The following NAV3 variants were observed in gnomAD, a reference collection of about 807,000 sequenced individuals.
NAV3 encodes neuron navigator 3.
Under a neutral mutation model 244.7 loss-of-function variants are expected in NAV3, and 87 were observed. That is an observed-to-expected ratio of 0.36 (90% confidence interval 0.30 to 0.42). The LOEUF is 0.42. NAV3 is among the 20% of genes least tolerant of loss of function. NAV3 has a pLI of 1.00. For missense variants in NAV3, 2,663 were observed against 2,893.3 expected, an observed-to-expected ratio of 0.92 and a Z score of 1.83; for synonymous variants, 1,126 against 1,042.2, an observed-to-expected ratio of 1.08 and a Z score of -1.55.
At chr12:77,619,083 A>T (rs1871256721) in intron 2 of NAV3, among the ~76,000 whole-genome samples, 1 of 151,594 alleles carries the variant, frequency 6.6e-6, no homozygotes, top group Non-Finnish European at 1.5e-5. Flanking sequence ...GGTTAGTACT[A>T]TATTGGACAC....
intron 24 of NAV3, among the ~76,000 whole-genome samples, chr12:78,174,398 C>T (rs565249885): frequency 3.3e-5 from 5 of 151,936 alleles, no homozygotes; most frequent in Non-Finnish European, 7.4e-5. Flanking sequence ...CCATATGCTG[C>T]GTACATGGCT....
Position 77,664,496 on chromosome 12 carries a change from C to T in NAV3, c.72+92230C>T, listed in dbSNP as rs576554881. Among the ~76,000 whole-genome samples the T allele has an allele frequency of 7.2e-5, 11 of 152,056 alleles. No individual in the cohort carries two copies. The South Asian group carries it at 1.0e-3, about 14-fold the overall frequency. The stretch of plus-strand genomic sequence containing the variant: ...GCACTTGTAATTATGTTAAAGTAGT[C>T]GATAATTTGACAGTATCATTAATAA... On this transcript the variant is annotated intron_variant, in intron 2 of 8. Transcript: ENST00000550042.
intron 9 of NAV3, among the ~76,000 whole-genome samples, chr12:78,026,154 A>G (rs1444848209): frequency 6.6e-6 from 1 of 152,130 alleles, no homozygotes; most frequent in Non-Finnish European, 1.5e-5. Flanking sequence ...ATGTGATTTA[A>G]TATCGATATT....
rs779255279 is a variant in NAV3, at chr12:78,006,670, C to A, written c.1132C>A (p.Pro378Thr). Residue 378 changes from proline (P) to threonine (T), a missense_variant, in exon 8 of 40, where the codon CCC becomes ACC. Around this residue, in one of 6 missense-constraint regions of NAV3, gnomAD observed 1,521 missense variants for 1,497.0 expected, o/e 1.02. Coordinates refer to ENST00000397909, the MANE Select transcript of NAV3 (RefSeq NM_001024383.2). ...PPVSEGVKTA[P>T]SGQKSMLEKF... ...TGTCTCAGAAGGGGTCAAAACTGCT[C>A]CCTCAGGACAGAAATCCATGCTTGA... 6 of 1,613,994 alleles carry A rather than the reference C, an allele frequency of 3.7e-6. No individual in the cohort carries two copies. In the Admixed American group the frequency reaches 1.0e-4, roughly 27 times the overall value.
intron 12 of NAV3, among the ~76,000 whole-genome samples, chr12:78,090,550 T>A (rs750346840): frequency 1.4e-4 from 22 of 152,184 alleles, no homozygotes; most frequent in Non-Finnish European, 2.8e-4. Flanking sequence ...ATTTTCTCAA[T>A]GATCTTGGTG....
At position 78,082,614 on chromosome 12, in the gene NAV3, A is replaced by T. The variant is rs556268416; in HGVS notation, c.2636+23499A>T. On this transcript the variant is annotated intron_variant, in intron 12 of 39. Coordinates refer to ENST00000397909, the MANE Select transcript of NAV3 (RefSeq NM_001024383.2). ...CACCATTAGCATTTCAATAGAACAT[A>T]CTTAATTGAAAAGGTATGTTTTGAC... Among the ~76,000 whole-genome samples, 12 of 152,294 alleles carry T rather than the reference A, an allele frequency of 7.9e-5. 1 individual carries two copies. In the South Asian group the frequency reaches 2.5e-3, roughly 32 times the overall value.
At chr12:77,609,524 C>T (rs933241732) in intron 2 of NAV3, among the ~76,000 whole-genome samples, 2 of 151,992 alleles carry the variant, frequency 1.3e-5, no homozygotes, top group Admixed American at 6.6e-5. Flanking sequence ...GATGCTTAAA[C>T]TTCTGTCCAC....
chr12:78,162,885 ATATATAATATATATATAAATATATATAT>A (rs1367891710), intron 23 of NAV3, among the ~76,000 whole-genome samples: 14 of 127,256 alleles, frequency 1.1e-4, no homozygotes, highest in African/African-American at 3.4e-4. Flanking sequence ...TATATATAAT[ATATATAATATATATATAAATATATATAT>A]TATATAATAT....
Position 78,205,104 on chromosome 12 carries a change from A to T in NAV3, c.7004A>T (p.His2335Leu), listed in dbSNP as rs1269189536. The T allele has an allele frequency of 6.2e-7, 1 of 1,613,490 alleles. No homozygotes were observed. Among genetic ancestry groups the T allele is most frequent in the Non-Finnish European group, 8.5e-7 (1 of 1,179,728 alleles). Reference sequence around the variant, plus strand: ...ACTAAGGAAGCCACAACCTCAAAGCACATTCCGCAAACTGACACAGAAGGA... The same window carrying T: ...ACTAAGGAAGCCACAACCTCAAAGCTCATTCCGCAAACTGACACAGAAGGA... ...TSTKEATTSK[H>L]IPQTDTEGDP... Residue 2335 changes from histidine to leucine, a missense_variant, in exon 39 of 40, where the codon CAC becomes CTC. By Grantham distance (99) the His-to-Leu change is moderately conservative. Around this residue, in one of 6 missense-constraint regions of NAV3, gnomAD observed 543 missense variants for 672.4 expected, o/e 0.81. Coordinates refer to ENST00000397909, the MANE Select transcript of NAV3 (RefSeq NM_001024383.2).
chr12:77,837,931 C>T (rs1232695528), intron 1 of NAV3, among the ~76,000 whole-genome samples: 1 of 152,186 alleles, frequency 6.6e-6, no homozygotes, highest in Non-Finnish European at 1.5e-5. Flanking sequence ...AAGTAGATCA[C>T]TGGCTCTGGC....
At chr12:77,925,824 CA>C (rs568103164) in intron 1 of NAV3, among the ~76,000 whole-genome samples, 2 of 152,014 alleles carry the variant, frequency 1.3e-5, no homozygotes, top group African/African-American at 4.8e-5. Context: ...GTGTCCTTAG[CA>C]AATAGCAAAC....
In NAV3 at chr12:78,006,676, G is replaced by A. The variant is rs1385184894; in HGVS notation, c.1138G>A (p.Gly380Arg). Residue 380 changes from glycine to arginine, a missense_variant, in exon 8 of 40, where the codon GGA (glycine) becomes AGA (arginine). Coordinates refer to ENST00000397909, the MANE Select transcript of NAV3 (RefSeq NM_001024383.2). ...AGAAGGGGTCAAAACTGCTCCCTCAGGACAGAAATCCATGCTTGAGAAATT... is the reference window on the plus strand; with the variant it reads ...AGAAGGGGTCAAAACTGCTCCCTCAAGACAGAAATCCATGCTTGAGAAATT... ...VSEGVKTAPS[G>R]QKSMLEKFKL... The A allele has an allele frequency of 6.2e-7, 1 of 1,614,082 alleles. No homozygotes were observed.
intron 3 of NAV3, among the ~76,000 whole-genome samples, chr12:77,947,158 T>G (rs1451426505): frequency 6.6e-6 from 1 of 152,078 alleles, no homozygotes; most frequent in Non-Finnish European, 1.5e-5. Flanking sequence ...GAAAATTAGA[T>G]TTAGGTCTTT....
Position 77,996,888 on chromosome 12 carries a change from G to A in NAV3, c.741-1449G>A, listed in dbSNP as rs984120598. 2.0e-5 allele frequency among the ~76,000 whole-genome samples: 3 copies of A among 152,192 alleles called. No individual in the cohort carries two copies. The East Asian group carries it at 5.8e-4, about 29-fold the overall frequency. ...TAGTACACAGTGACATTCACATGGT[G>A]GCAGCAAATACTAAACAAAACTTTC... On this transcript the variant is annotated intron_variant, in intron 6 of 39. Transcript: ENST00000397909.
intron 2 of NAV3, among the ~76,000 whole-genome samples, chr12:77,825,180 A>C (rs1872924187): frequency 6.6e-6 from 1 of 152,244 alleles, no homozygotes; most frequent in Admixed American, 6.5e-5. Context: ...AAGCTGAGAC[A>C]GTTAATTGCC....
chr12:77,656,034 A>G (rs1303108321), intron 2 of NAV3, among the ~76,000 whole-genome samples: 1 of 150,908 alleles, frequency 6.6e-6, no homozygotes. Flanking sequence ...CGAGACTAGG[A>G]AGAAACTGCA....
chr12:77,686,663 AGAT>A (rs1466220672), intron 2 of NAV3, among the ~76,000 whole-genome samples: 2 of 152,032 alleles, frequency 1.3e-5, no homozygotes, highest in East Asian at 3.9e-4. Flanking sequence ...GCCCATTTAT[AGAT>A]GAGGGAACTG....
chr12:77,678,252 C>G (rs1874294148), intron 2 of NAV3, among the ~76,000 whole-genome samples: 1 of 152,068 alleles, frequency 6.6e-6, no homozygotes, highest in African/African-American at 2.4e-5. Context: ...TATAACCAAT[C>G]TTATTTGATA....
intron 8 of NAV3, chr12:78,010,880 A>T (rs1875155969): frequency 6.6e-6 from 1 of 152,080 alleles, no homozygotes; most frequent in African/African-American, 2.4e-5. Context: ...TAAATGCTTC[A>T]TAGTACTCTT....
Sources: gnomAD v4.1 joint callset for allele counts (sites outside exome capture counted in the v4.1 genomes callset) on GRCh38, gnomAD v4.1.1 for gene constraint, gnomAD v4.1.1 regional missense constraint, MANE v1.5 for transcripts, NCBI Gene and HGNC (gene_info 2026-07-23, HGNC 2026-07-21) for gene names.